Variants in NAV1 observed in about 807,000 individuals in gnomAD.
NAV1 encodes the protein pore membrane and/or filament interacting like protein 3.
A neutral mutation model predicts 175.2 loss-of-function variants in NAV1; 18 were observed. That is an observed-to-expected ratio of 0.10 (90% CI 0.07 to 0.15). The LOEUF (loss-of-function observed/expected upper bound fraction) is 0.15. NAV1 is among the 10% of genes least tolerant of loss of function. The pLI, the probability that NAV1 is intolerant of heterozygous loss-of-function variation, is 1.00. For missense variants in NAV1, 1,731 were observed against 2,436.6 expected, an observed-to-expected ratio of 0.71 and a Z score of 6.10; for synonymous variants, 897 against 978.7, an observed-to-expected ratio of 0.92 and a Z score of 1.56.
chr1:201,785,405 G>C, intron 8 of NAV1, 54 bp downstream of exon 12: 3 of 1,552,968 alleles, frequency 1.9e-6, no homozygotes, highest in Non-Finnish European at 2.6e-6. Context: ...TGGTATGTAT[G>C]AAAAATCATA....
intron 2 of NAV1, among the ~76,000 whole-genome samples, chr1:201,638,016 G>T (rs918319146): frequency 3.9e-5 from 6 of 152,154 alleles, no homozygotes; most frequent in Non-Finnish European, 7.3e-5. Context: ...GATTTTAAAT[G>T]AGTACAGTTT....
chr1:201,596,935 C>T (rs1486116598), intron 2 of NAV1, among the ~76,000 whole-genome samples: 1 of 152,170 alleles, frequency 6.6e-6, no homozygotes, highest in African/African-American at 2.4e-5. Flanking sequence ...AAACAATTCT[C>T]CTGCCTCAGC....
chr1:201,548,741 T>C (rs1190282907), intron 1 of NAV1, among the ~76,000 whole-genome samples: 1 of 152,116 alleles, frequency 6.6e-6, no homozygotes, highest in Non-Finnish European at 1.5e-5. Context: ...AGATAACTCA[T>C]AAAAGTAACT....
rs761980110 is a variant in NAV1 at position 201,788,584 on chromosome 1, G to A, written c.3112G>A (p.Glu1038Lys). ...AATGGGGAGCACCCTGTCCCTGGCC[G>A]AGAGACCCAAGGGAATGATTCGGTC... The change falls in exon 10 of 30, where the codon GAG (glutamate) becomes AAG (lysine). Residue 1038 changes from glutamate (E) to lysine (K), a missense_variant. Glu to Lys is a moderately conservative substitution (Grantham distance 56, BLOSUM62 1). This residue lies in a region of NAV1 where 85 missense variants were observed against 168.7 expected (regional missense o/e 0.50). Transcript: ENST00000367296. This position sits in a 1 kb window ranked among gnomAD's most constrained non-coding sequence, Gnocchi z 5.7. The A allele has an allele frequency of 1.1e-5, 18 of 1,613,970 alleles. No individual in the cohort carries two copies. The highest frequency in any genetic ancestry group is 5.3e-5 in the African/African-American group (4 of 74,908).
chr1:201,638,149 A>G (rs1668659188), intron 2 of NAV1, among the ~76,000 whole-genome samples: 1 of 152,128 alleles, frequency 6.6e-6, no homozygotes. Flanking sequence ...AGCTGCATAT[A>G]TTCTCTTAAG....
At chr1:201,811,651 A>G in exon 25 of NAV1, 1 of 1,614,140 alleles carries the variant, frequency 6.2e-7, no homozygotes, top group Non-Finnish European at 8.5e-7. Flanking sequence ...AGACCGGGAA[A>G]CAGGAATTGG....
At chr1:201,660,900 C>T (rs989157950) in intron 1 of NAV1, among the ~76,000 whole-genome samples, 5 of 152,112 alleles carry the variant, frequency 3.3e-5, no homozygotes, top group Non-Finnish European at 7.4e-5. Flanking sequence ...GCAGGGGGAG[C>T]ACATGAGGGC....
At chr1:201,609,467 A>C (rs1386773567) in intron 2 of NAV1, among the ~76,000 whole-genome samples, 1 of 152,182 alleles carries the variant, frequency 6.6e-6, no homozygotes, top group East Asian at 1.9e-4. Flanking sequence ...TCCCGGCACC[A>C]AGGACCCTTC....
chr1:201,765,959 T>C (rs1475912782), intron 3 of NAV1, among the ~76,000 whole-genome samples: 1 of 152,222 alleles, frequency 6.6e-6, no homozygotes, highest in Non-Finnish European at 1.5e-5. Flanking sequence ...GATAGTTCTG[T>C]GATTGAAACT....
intron 1 of NAV1, among the ~76,000 whole-genome samples, chr1:201,549,775 C>G (rs959185598): frequency 2.0e-5 from 3 of 150,302 alleles, no homozygotes; most frequent in African/African-American, 7.3e-5. Flanking sequence ...CTTCGGGAGG[C>G]TGAAGCGGGC....
chr1:201,603,342 CT>C (rs1667576622), intron 2 of NAV1, among the ~76,000 whole-genome samples: 1 of 152,136 alleles, frequency 6.6e-6, no homozygotes, highest in South Asian at 2.1e-4. Context: ...CTCTCATGTT[CT>C]GAAAGGACCT....
intron 3 of NAV1, among the ~76,000 whole-genome samples, chr1:201,744,337 T>C (rs1571921907): frequency 6.6e-6 from 1 of 151,366 alleles, no homozygotes; most frequent in African/African-American, 2.4e-5. Flanking sequence ...TTTATTTATT[T>C]ATTTATTTAT....
At chr1:201,572,366 CTTTCT>C (rs1416898190) in intron 1 of NAV1, among the ~76,000 whole-genome samples, 2 of 144,850 alleles carry the variant, frequency 1.4e-5, no homozygotes, top group African/African-American at 2.7e-5. Context: ...TTCTTTCTTT[CTTTCT>C]TTTTTTTTTT....
At position 201,807,886 on chromosome 1, in the gene NAV1, A is replaced by G; in HGVS notation, c.3649-67A>G. ...AGCTCTCTCTGTCTCAGAAGTCTCAATCCAGTCCTCCCCCATCCCAGTAGT... is the reference window on the plus strand; with the variant it reads ...AGCTCTCTCTGTCTCAGAAGTCTCAGTCCAGTCCTCCCCCATCCCAGTAGT... On this transcript the variant is annotated intron_variant, in intron 17 of 29. Transcript: ENST00000367296. This position sits in a 1 kb window ranked among gnomAD's most constrained non-coding sequence, Gnocchi z 5.4. 1.3e-6 allele frequency: 2 copies of G among 1,519,274 alleles called. No homozygotes were observed. Among genetic ancestry groups the G allele is most frequent in the East Asian group, 2.3e-5 (1 of 44,218 alleles). The allele number at this position is 1,519,274 out of a possible 1,614,324, so 94.1% of individuals were successfully genotyped here.
At chr1:201,765,438 A>C (rs1387465130) in intron 3 of NAV1, among the ~76,000 whole-genome samples, 1 of 127,546 alleles carries the variant, frequency 7.8e-6, no homozygotes, top group Non-Finnish European at 1.6e-5. Context: ...TCTTTCACCC[A>C]GGCTGGAATG....
At position 201,813,144 on chromosome 1, in the gene NAV1, T is replaced by C. The variant is rs1394314590; in HGVS notation, c.5226T>C (p.Pro1742=). The C allele has an allele frequency of 6.2e-7, 1 of 1,613,266 alleles. No homozygotes were observed. The highest frequency in any genetic ancestry group is 1.3e-5 in the African/African-American group (1 of 74,874). ...TGGCCCCATCCTCTTCCCTAGGCCC[T>C]TGCTTCTTTCTGTCGTGTCCCATTG... Residue 1742 remains proline, a synonymous_variant, in exon 28 of 30, where the codon CCT becomes CCC. Coordinates refer to ENST00000367296, the Ensembl canonical transcript of NAV1. The surrounding 1 kb of genome is among the most constrained non-coding windows in gnomAD (Gnocchi z 4.2).
Position 201,788,389 on chromosome 1 carries a change from G to A in NAV1, c.2996-79G>A, listed in dbSNP as rs1012771208. On this transcript the variant is annotated intron_variant, in intron 9 of 29. Coordinates refer to ENST00000367296, the Ensembl canonical transcript of NAV1. This position sits in a 1 kb window ranked among gnomAD's most constrained non-coding sequence, Gnocchi z 5.7. ...TGCTCCCGGTGCTCCATCCCCCAAG[G>A]GCCCGGAGAGCTGATGACCCTGCCT... The A allele has an allele frequency of 6.7e-6, 10 of 1,501,462 alleles. No individual in the cohort carries two copies. The African/African-American group carries it at 1.1e-4, about 17-fold the overall frequency. The allele number at this position is 1,501,462 out of a possible 1,614,324, so 93.0% of individuals were successfully genotyped here. A position where few individuals can be genotyped will look rare whatever the true frequency, so the allele number is the denominator to read the frequency against.
At chr1:201,569,121 C>G (rs1227559305) in intron 1 of NAV1, among the ~76,000 whole-genome samples, 2 of 152,188 alleles carry the variant, frequency 1.3e-5, no homozygotes, top group Admixed American at 6.5e-5. Context: ...TGTTCAGAAC[C>G]ACCAGCAGCC....
intron 7 of NAV1, 49 bp from the exon 12 acceptor site, chr1:201,785,261 C>G (rs754744333): frequency 1.3e-6 from 2 of 1,588,042 alleles, no homozygotes; most frequent in Non-Finnish European, 1.7e-6. Flanking sequence ...AAGATGGACC[C>G]ACATGCTTCT....
Sources: allele counts gnomAD v4.1 joint callset (sites outside exome capture counted in the v4.1 genomes callset), GRCh38; gene constraint gnomAD v4.1.1; regional missense constraint gnomAD v4.1.1; non-coding constraint Gnocchi (gnomAD v3.1); transcripts MANE v1.5; gene names NCBI Gene and HGNC (gene_info 2026-07-23, HGNC 2026-07-21).